Variants in NIPAL2 observed in about 807,000 individuals in gnomAD.
NIPAL2 encodes the protein NIPA-like protein 2.
In NIPAL2, 43 loss-of-function variants were observed where a neutral mutation model predicts 48.9. That is an observed-to-expected ratio of 0.88 (90% CI 0.69 to 1.13). NIPAL2 has a LOEUF of 1.13. Ranked by LOEUF, NIPAL2 falls within the 50% of genes most tolerant of loss-of-function variation. The pLI is 0.00. For missense variants in NIPAL2, 446 were observed against 461.4 expected, an observed-to-expected ratio of 0.97 and a Z score of 0.31; for synonymous variants, 167 against 174.6, an observed-to-expected ratio of 0.96 and a Z score of 0.34.
chr8:98,259,094 T>A (rs1814117181), intron 1 of NIPAL2, among the ~76,000 whole-genome samples: 1 of 116,986 alleles, frequency 8.5e-6, no homozygotes, highest in South Asian at 2.7e-4. Flanking sequence ...TTTTTTTTTT[T>A]GAGACGGAGT....
intron 2 of NIPAL2, 98 bp from the exon 3 acceptor site, chr8:98,252,732 C>A: frequency 6.1e-6 from 6 of 990,318 alleles, no homozygotes; most frequent in Admixed American, 3.5e-5. Context: ...TTTATAAGAA[C>A]GCTAATTTAT....
At chr8:98,195,582 C>T in intron 9 of NIPAL2, 1 of 176,714 alleles carries the variant, frequency 5.7e-6, no homozygotes, top group Non-Finnish European at 1.2e-5. Context: ...TTGGGCGACC[C>T]TAGAGGATCA....
intron 3 of NIPAL2, among the ~76,000 whole-genome samples, chr8:98,243,256 G>A (rs765830528): frequency 6.6e-6 from 1 of 152,218 alleles, no homozygotes; most frequent in Admixed American, 6.5e-5. Flanking sequence ...TGGCTATTAA[G>A]TGTCACTTAG....
intron 1 of NIPAL2, among the ~76,000 whole-genome samples, chr8:98,283,581 C>A (rs1815980066): frequency 6.6e-6 from 1 of 152,150 alleles, no homozygotes; most frequent in Non-Finnish European, 1.5e-5. Flanking sequence ...TTTTAACAAC[C>A]CATAATCCTT....
chr8:98,262,730 G>C (rs1484971788), intron 1 of NIPAL2, among the ~76,000 whole-genome samples: 1 of 151,214 alleles, frequency 6.6e-6, no homozygotes, highest in Non-Finnish European at 1.5e-5. Context: ...GAGACAGAAA[G>C]TCAACAAGGA....
In NIPAL2 at chr8:98,293,882, C is replaced by A. The variant is rs1191924019; in HGVS notation, c.135+121G>T. The A allele has an allele frequency of 1.4e-5, 13 of 957,354 alleles. No individual in the cohort carries two copies. The South Asian group carries it at 3.3e-4, about 24-fold the overall frequency. The allele number at this position is 957,354 out of a possible 1,614,324, so 59.3% of individuals were successfully genotyped here. A position where few individuals can be genotyped will look rare whatever the true frequency, so the allele number is the denominator to read the frequency against. On this transcript the variant is annotated intron_variant, in intron 1 of 10. Transcript: ENST00000430223. ...ACATTGCATGTCACCTCTTCCCACT[C>A]GGAGAGGCCGGGTGTCTTCCTGAGA...
chr8:98,254,530 C>A (rs2130834093), intron 1 of NIPAL2, among the ~76,000 whole-genome samples: 1 of 152,232 alleles, frequency 6.6e-6, no homozygotes, highest in East Asian at 1.9e-4. Context: ...ACCTTTTGAG[C>A]AAGTTATTTC....
At chr8:98,211,181 T>C (rs764081554) in intron 6 of NIPAL2, among the ~76,000 whole-genome samples, 6 of 152,252 alleles carry the variant, frequency 3.9e-5, no homozygotes, top group Non-Finnish European at 7.3e-5. Context: ...TGAGAATATT[T>C]CTTTTCTTTT....
In NIPAL2 at chr8:98,191,055, A is replaced by G. The variant is rs1228273226; in HGVS notation, c.*1923T>C. The G allele has an allele frequency of 6.6e-6, 1 of 152,244 alleles. No homozygotes were observed. Among genetic ancestry groups the G allele is most frequent in the Non-Finnish European group, 1.5e-5 (1 of 68,046 alleles). 9.4% of individuals were successfully genotyped at this position (152,244 alleles called of 1,614,324 possible). On this transcript the variant is annotated 3_prime_UTR_variant, in exon 11 of 11. Transcript: ENST00000430223. Reference sequence around the variant, plus strand: ...AACATTGTTGATTGCTTAAATGTGCATAAGTCAATGTCATTTCTCAAAACG... The same window carrying G: ...AACATTGTTGATTGCTTAAATGTGCGTAAGTCAATGTCATTTCTCAAAACG...
At position 98,190,820 on chromosome 8, in the gene NIPAL2, T is replaced by C. The variant is rs1810277425; in HGVS notation, c.*2158A>G. On this transcript the variant is annotated 3_prime_UTR_variant, in exon 11 of 11. Transcript: ENST00000430223. ...TTTGCCGACCCTTGGTCTAGACAGATAGTCAGATGAGCTAACAGTTGGCTA... is the reference window on the plus strand; with the variant it reads ...TTTGCCGACCCTTGGTCTAGACAGACAGTCAGATGAGCTAACAGTTGGCTA... 1 of 152,216 alleles carries C rather than the reference T, an allele frequency of 6.6e-6. No homozygotes were observed. The highest frequency in any genetic ancestry group is 1.5e-5 in the Non-Finnish European group (1 of 68,052). 9.4% of individuals were successfully genotyped at this position (152,216 alleles called of 1,614,324 possible).
chr8:98,252,412 C>A, intron 3 of NIPAL2, 51 bp downstream of exon 3: 2 of 1,460,062 alleles, frequency 1.4e-6, no homozygotes, highest in Non-Finnish European at 1.8e-6. Context: ...TGTTTTTCTC[C>A]GATTATTCTG....
In NIPAL2 at chr8:98,290,840, C is replaced by T. The variant is rs1430613214; in HGVS notation, c.135+3163G>A. ...AGCTTGCTTTAAACATGAGATCCAG[C>T]TCAGTGATCATGCGGGGGAAAAGGC... is the stretch of plus-strand genomic sequence containing the variant. On this transcript the variant is annotated intron_variant, in intron 1 of 10. Transcript: ENST00000430223. Among the ~76,000 whole-genome samples, 4 of 152,282 alleles carry T rather than the reference C, an allele frequency of 2.6e-5. No individual in the cohort carries two copies. In the East Asian group the frequency reaches 7.7e-4, roughly 29 times the overall value.
chr8:98,250,966 G>A (rs1056207636), intron 3 of NIPAL2, among the ~76,000 whole-genome samples: 1 of 152,042 alleles, frequency 6.6e-6, no homozygotes, highest in Non-Finnish European at 1.5e-5. Flanking sequence ...TGGCTATATC[G>A]CATTTCTGTG....
chr8:98,275,706 T>G (rs752267476), intron 1 of NIPAL2, among the ~76,000 whole-genome samples: 1 of 152,226 alleles, frequency 6.6e-6, no homozygotes, highest in Non-Finnish European at 1.5e-5. Flanking sequence ...CAATTTTACT[T>G]TCCCATCAGC....
intron 5 of NIPAL2, among the ~76,000 whole-genome samples, chr8:98,216,214 T>A (rs1811565624): frequency 6.6e-6 from 1 of 152,216 alleles, no homozygotes; most frequent in African/African-American, 2.4e-5. Context: ...TATTGGCCTG[T>A]GCACCCCAGA....
At chr8:98,203,290 A>T (rs1408223099) in intron 7 of NIPAL2, 94 bp from the exon 8 acceptor site, 3 of 900,084 alleles carry the variant, frequency 3.3e-6, no homozygotes, top group Non-Finnish European at 3.7e-6. Flanking sequence ...CTTTAGCTAC[A>T]ACTACAAAGG....
In NIPAL2 at chr8:98,192,083, C is replaced by T. The variant is rs987698157; in HGVS notation, c.*895G>A. The T allele has an allele frequency of 2.0e-5, 3 of 152,030 alleles. No individual in the cohort carries two copies. The highest frequency in any genetic ancestry group is 7.2e-5 in the African/African-American group (3 of 41,400). The allele number at this position is 152,030 out of a possible 1,614,324, so 9.4% of individuals were successfully genotyped here. The stretch of plus-strand genomic sequence containing the variant: ...AAATCCACTTGATAAATTATAAGAT[C>T]TATAAAAAAGACATAGGATATTAAA... On this transcript the variant is annotated 3_prime_UTR_variant, in exon 11 of 11. Coordinates refer to ENST00000430223, the MANE Select transcript of NIPAL2 (RefSeq NM_001321635.2).
At chr8:98,201,334 A>G (rs1246597632) in intron 8 of NIPAL2, among the ~76,000 whole-genome samples, 1 of 152,180 alleles carries the variant, frequency 6.6e-6, no homozygotes, top group African/African-American at 2.4e-5. Context: ...TATGCTGAGT[A>G]TTAAGACCCA....
chr8:98,236,951 C>T (rs796702541), intron 3 of NIPAL2, among the ~76,000 whole-genome samples: 5 of 151,992 alleles, frequency 3.3e-5, no homozygotes, highest in African/African-American at 7.2e-5. Flanking sequence ...ATTCCTGTTC[C>T]GACAATTCCT....
Sources: gnomAD v4.1 joint callset for allele counts (sites outside exome capture counted in the v4.1 genomes callset) on GRCh38, gnomAD v4.1.1 for gene constraint, MANE v1.5 for transcripts, NCBI Gene and HGNC (gene_info 2026-07-23, HGNC 2026-07-21) for gene names.